Variants in CUL4A observed in about 807,000 individuals in gnomAD.
CUL4A encodes the protein cullin-4A.
A neutral mutation model predicts 95.5 loss-of-function variants in CUL4A; 16 were observed. That is an observed-to-expected ratio of 0.17 (90% confidence interval 0.11 to 0.25). The LOEUF is 0.25. CUL4A is among the 10% of genes least tolerant of loss of function. The probability of loss-of-function intolerance (pLI) is 1.00; values close to 1 mark genes in which losing one functional copy is unlikely to be tolerated. For synonymous variants in CUL4A, 380 were observed against 353.1 expected (o/e 1.08, Z -0.85); for missense variants, 610 against 937.0 (o/e 0.65, Z 4.56).
intron 3 of CUL4A, among the ~76,000 whole-genome samples, chr13:113,225,212 G>A (rs140742399): frequency 3.0e-4 from 45 of 152,228 alleles, no homozygotes; most frequent in African/African-American, 9.1e-4. Flanking sequence ...GGTTGCTGAA[G>A]AACCTATCTC....
chr13:113,242,307 A>G (rs1466431654), intron 10 of CUL4A, among the ~76,000 whole-genome samples: 1 of 152,090 alleles, frequency 6.6e-6, no homozygotes, highest in Non-Finnish European at 1.5e-5. Flanking sequence ...TGAGCTTTTC[A>G]TGGTTAGAAG....
chr13:113,239,379 T>C, intron 9 of CUL4A, 54 bp from the exon 10 acceptor site: 1 of 1,437,318 alleles, frequency 7.0e-7, no homozygotes, highest in Admixed American at 1.7e-5. Context: ...TCTAGTTGAG[T>C]TGTTGTTAAT....
At chr13:113,221,263 G>T (rs934891853) in intron 3 of CUL4A, among the ~76,000 whole-genome samples, 9 of 152,338 alleles carry the variant, frequency 5.9e-5, no homozygotes, top group Admixed American at 3.3e-4. Context: ...ACTTCAGTCT[G>T]TGAGTATCCC....
chr13:113,259,225 A>G (rs1305257505), intron 18 of CUL4A, among the ~76,000 whole-genome samples: 2 of 152,182 alleles, frequency 1.3e-5, no homozygotes, highest in Admixed American at 6.5e-5. Context: ...TTGCATAGTT[A>G]GAACCTCTAA....
chr13:113,227,648 G>A lies in CUL4A; in HGVS notation c.369-328G>A, dbSNP rs937484110. Among the ~76,000 whole-genome samples, 6 of 152,246 alleles carry A rather than the reference G, an allele frequency of 3.9e-5. No individual in the cohort carries two copies. The East Asian group carries it at 5.8e-4, about 15-fold the overall frequency. ...TGGCCGGTTGCGGTGGCTCACGCCT[G>A]TAATCCCGGCACTTTGGGAGGCTGA... On this transcript the variant is annotated intron_variant, in intron 3 of 19. Transcript: ENST00000375440.
chr13:113,230,728 T>G (rs2041279676), intron 5 of CUL4A, among the ~76,000 whole-genome samples: 2 of 152,162 alleles, frequency 1.3e-5, no homozygotes, highest in African/African-American at 4.8e-5. Context: ...CCTACCTCAG[T>G]TGTCTGGCCC....
At chr13:113,245,775 T>G (rs535739330) in intron 14 of CUL4A, among the ~76,000 whole-genome samples, 181 bp from the exon 15 acceptor site, 18 of 152,278 alleles carry the variant, frequency 1.2e-4, no homozygotes, top group Admixed American at 3.3e-4. Flanking sequence ...TGGTGACACC[T>G]GAAGAAGGGA....
intron 15 of CUL4A, among the ~76,000 whole-genome samples, chr13:113,250,853 T>C (rs2041976825): frequency 6.6e-6 from 1 of 151,784 alleles, no homozygotes; most frequent in South Asian, 2.1e-4. Context: ...GTGCCTGGGA[T>C]TTGGTGTCAT....
intron 15 of CUL4A, 62 bp downstream of exon 15, chr13:113,246,125 G>A: frequency 7.9e-7 from 1 of 1,263,042 alleles, no homozygotes; most frequent in Non-Finnish European, 1.1e-6. Context: ...GCACAGATAT[G>A]TTGCCTTCAA....
chr13:113,248,199 C>T (rs2041904763), intron 15 of CUL4A, among the ~76,000 whole-genome samples: 1 of 152,220 alleles, frequency 6.6e-6, no homozygotes, highest in Non-Finnish European at 1.5e-5. Flanking sequence ...CCAGCTGTCA[C>T]CTGTGTGGCG....
At chr13:113,231,836 G>A (rs942090041) in intron 5 of CUL4A, among the ~76,000 whole-genome samples, 7 of 152,092 alleles carry the variant, frequency 4.6e-5, no homozygotes, top group Non-Finnish European at 8.8e-5. Context: ...GGAGCAACAG[G>A]AGAGGCCCAT....
chr13:113,255,936 GAGA>G lies in CUL4A; in HGVS notation c.2031+814_2031+816del, dbSNP rs201725499. Among the ~76,000 whole-genome samples the G allele has an allele frequency of 2.6e-3, 398 of 152,290 alleles. 9 individuals carry two copies. The East Asian group carries it at 0.063, about 24-fold the overall frequency. ...TGCACCTTTTATAGTGGGCAAAAGT[GAGA>G]AGGTCTATCAGTTCTTTCTCCCGAA... On this transcript the variant is annotated intron_variant, in intron 18 of 19. Coordinates refer to ENST00000375440, the MANE Select transcript of CUL4A (RefSeq NM_001008895.4).
At chr13:113,227,065 G>A (rs2041131357) in intron 3 of CUL4A, among the ~76,000 whole-genome samples, 1 of 152,202 alleles carries the variant, frequency 6.6e-6, no homozygotes, top group South Asian at 2.1e-4. Flanking sequence ...GATGAAGGGA[G>A]GCTGGAGAGG....
intron 18 of CUL4A, among the ~76,000 whole-genome samples, chr13:113,259,101 ACT>A (rs2042204955): frequency 6.6e-6 from 1 of 152,018 alleles, no homozygotes; most frequent in South Asian, 2.1e-4. Context: ...ACTTTACAAA[ACT>A]CTTTAGCTTT....
chr13:113,259,229 C>A (rs1659877666), intron 18 of CUL4A, among the ~76,000 whole-genome samples: 1 of 152,276 alleles, frequency 6.6e-6, no homozygotes, highest in Admixed American at 6.5e-5. Flanking sequence ...ATAGTTAGAA[C>A]CTCTAAAGTA....
At chr13:113,229,777 G>A (rs2041243335) in intron 5 of CUL4A, 2 of 482,060 alleles carry the variant, frequency 4.1e-6, no homozygotes, top group African/African-American at 2.0e-5. Context: ...AAGACAGAGG[G>A]TCTTGGTTTC....
In CUL4A at chr13:113,263,496, T is replaced by A. The variant is rs144019898; in HGVS notation, c.2194T>A (p.Leu732Met). The A allele has an allele frequency of 1.3e-6, 2 of 1,597,102 alleles. No individual in the cohort carries two copies. The highest frequency in any genetic ancestry group is 2.7e-5 in the African/African-American group (2 of 74,184). The change falls in exon 20 of 20, where the codon TTG becomes ATG. Residue 732 changes from leucine (L) to methionine (M), a missense_variant. Around this residue, in one of 10 missense-constraint regions of CUL4A, gnomAD observed 31 missense variants for 40.3 expected, o/e 0.77. Transcript: ENST00000375440. ...QLKFPVKPGDLKKRIESLIDR... is the reference protein window; with the variant it reads ...QLKFPVKPGDMKKRIESLIDR... ...TATTCTTCTTTTTTAGCCTGGAGAT[T>A]TGAAAAAGAGAATTGAATCTCTGAT... is the stretch of plus-strand genomic sequence containing the variant.
chr13:113,254,635 AT>A, intron 16 of CUL4A, 57 bp from the exon 17 acceptor site: 2 of 1,217,208 alleles, frequency 1.6e-6, no homozygotes, highest in Non-Finnish European at 1.2e-6. Context: ...GCTTCTTTTA[AT>A]TTTTCAAAGA....
intron 10 of CUL4A, among the ~76,000 whole-genome samples, chr13:113,240,210 T>C (rs964483943): frequency 6.6e-6 from 1 of 152,106 alleles, no homozygotes; most frequent in African/African-American, 2.4e-5. Flanking sequence ...CATTTGTTGA[T>C]GTCTGGAGAC....
Sources: gnomAD v4.1 joint callset for allele counts (sites outside exome capture counted in the v4.1 genomes callset) on GRCh38, gnomAD v4.1.1 for gene constraint, gnomAD v4.1.1 regional missense constraint, MANE v1.5 for transcripts, NCBI Gene and HGNC (gene_info 2026-07-23, HGNC 2026-07-21) for gene names.